Variants in ADCY2 observed in about 807,000 individuals in gnomAD.
ADCY2 encodes adenylate cyclase type 2.
Under a neutral mutation model 125.2 loss-of-function variants are expected in ADCY2, and 31 were observed. The observed-to-expected ratio is 0.25, with a 90% CI of 0.19 to 0.33. The LOEUF (loss-of-function observed/expected upper bound fraction) is 0.33. Ranked by LOEUF, ADCY2 falls within the 10% of genes least tolerant of loss-of-function variation. ADCY2 has a pLI of 1.00. For synonymous variants in ADCY2, 512 were observed against 548.4 expected, an observed-to-expected ratio of 0.93 and a Z score of 0.93; for missense variants, 904 against 1,418.2, an observed-to-expected ratio of 0.64 and a Z score of 5.82.
intron 16 of ADCY2, among the ~76,000 whole-genome samples, chr5:7,759,930 G>C (rs766066223): frequency 1.7e-4 from 26 of 151,008 alleles, no homozygotes; most frequent in Non-Finnish European, 2.9e-4. Context: ...GGGTGGTGGG[G>C]AGTGGTTCTT....
chr5:7,507,618 C>T (rs945735847), intron 2 of ADCY2, among the ~76,000 whole-genome samples: 2 of 151,926 alleles, frequency 1.3e-5, no homozygotes, highest in Non-Finnish European at 2.9e-5. Context: ...ATTGCTTTAC[C>T]TCGTTGCTTC....
rs906586193 is a variant in ADCY2 at position 7,624,383 on chromosome 5, C to A, written c.571-1784C>A. Among the ~76,000 whole-genome samples, 6 of 152,210 alleles carry A rather than the reference C, an allele frequency of 3.9e-5. 1 individual carries two copies. Among genetic ancestry groups the A allele is most frequent in the Admixed American group, 3.9e-4 (6 of 15,290 alleles). On this transcript the variant is annotated intron_variant, in intron 3 of 24. Coordinates refer to ENST00000338316, the MANE Select transcript of ADCY2 (RefSeq NM_020546.3). ...CTTGCTGATTATCCCCTGAGTTTAC[C>A]CATCTTTCCCTACAGCCATCTGTCC...
At chr5:7,788,762 GC>G (rs752209156) in intron 19 of ADCY2, among the ~76,000 whole-genome samples, 1 of 152,142 alleles carries the variant, frequency 6.6e-6, no homozygotes, top group Non-Finnish European at 1.5e-5. Flanking sequence ...ACTCAACAAA[GC>G]AAACCAAAAA....
Position 7,826,701 on chromosome 5 carries a change from T to C in ADCY2, c.3124-18T>C, listed in dbSNP as rs1745492933. On this transcript the variant is annotated intron_variant, in intron 24 of 24. Coordinates refer to ENST00000338316, the MANE Select transcript of ADCY2 (RefSeq NM_020546.3). ...TGTATGTACTAAGCCCGTTTTCCCG[T>C]GTTCCTGTGCCTTCTAGGTTACCGA... The C allele has an allele frequency of 1.2e-6, 2 of 1,613,836 alleles. No homozygotes were observed. The highest frequency in any genetic ancestry group is 1.3e-5 in the African/African-American group (1 of 74,904).
chr5:7,780,824 G>T (rs1337895752), intron 18 of ADCY2, among the ~76,000 whole-genome samples: 1 of 152,204 alleles, frequency 6.6e-6, no homozygotes, highest in Admixed American at 6.5e-5. Flanking sequence ...TCAGGTTAGA[G>T]GCTGGTTCAC....
intron 15 of ADCY2, among the ~76,000 whole-genome samples, chr5:7,745,297 A>T (rs1487663960): frequency 6.6e-6 from 1 of 152,184 alleles, no homozygotes; most frequent in Non-Finnish European, 1.5e-5. Flanking sequence ...AGTCGACTGT[A>T]AGCACTTTGT....
In ADCY2 at chr5:7,461,703, GTTTT is replaced by G. The variant is rs1221386968; in HGVS notation, c.408+46934_408+46937del. 2.0e-5 allele frequency among the ~76,000 whole-genome samples: 3 copies of G among 152,196 alleles called. No individual in the cohort carries two copies. In the East Asian group the frequency reaches 5.8e-4, roughly 29 times the overall value. Reference sequence around the variant, plus strand: ...GATTTAAAGAAGGAAATTCCTTACAGTTTTGGAATAGAAATTTATTAGATAAATC... The same window carrying G: ...GATTTAAAGAAGGAAATTCCTTACAGGGAATAGAAATTTATTAGATAAATC... On this transcript the variant is annotated intron_variant, in intron 2 of 24. Transcript: ENST00000338316.
chr5:7,630,261 A>G (rs999274714), intron 4 of ADCY2, among the ~76,000 whole-genome samples: 1 of 152,204 alleles, frequency 6.6e-6, no homozygotes, highest in Non-Finnish European at 1.5e-5. Flanking sequence ...ATGGCTGGGT[A>G]GATAATGACA....
chr5:7,496,857 T>C (rs1341836128), intron 2 of ADCY2, among the ~76,000 whole-genome samples: 1 of 152,196 alleles, frequency 6.6e-6, no homozygotes, highest in African/African-American at 2.4e-5. Flanking sequence ...GAATATTTTA[T>C]ATGAATATAT....
At chr5:7,399,646 A>G (rs1266354614) in intron 1 of ADCY2, among the ~76,000 whole-genome samples, 1 of 152,202 alleles carries the variant, frequency 6.6e-6, no homozygotes, top group Non-Finnish European at 1.5e-5. Flanking sequence ...AAGACAGGAA[A>G]CTCAGTAAAT....
rs977035844 is a variant in ADCY2, at chr5:7,668,403, G to A, written c.721-22288G>A. 7.2e-5 allele frequency among the ~76,000 whole-genome samples: 11 copies of A among 152,168 alleles called. 1 individual carries two copies. The highest frequency in any genetic ancestry group is 2.2e-4 in the African/African-American group (9 of 41,446). Reference sequence around the variant, plus strand: ...CTTGCCAGCTCCTGCAGTCACATGAGCCACTTTCTAAAAGTAAATGTTCTC... The same window carrying A: ...CTTGCCAGCTCCTGCAGTCACATGAACCACTTTCTAAAAGTAAATGTTCTC... On this transcript the variant is annotated intron_variant, in intron 4 of 24. Coordinates refer to ENST00000338316, the MANE Select transcript of ADCY2 (RefSeq NM_020546.3).
chr5:7,633,147 T>C (rs1351822073), intron 4 of ADCY2, among the ~76,000 whole-genome samples: 2 of 151,994 alleles, frequency 1.3e-5, no homozygotes, highest in African/African-American at 4.8e-5. Flanking sequence ...AATGGACATT[T>C]TGGCAGGGCG....
intron 18 of ADCY2, among the ~76,000 whole-genome samples, chr5:7,783,778 G>T (rs1743996055): frequency 1.3e-5 from 2 of 152,194 alleles, no homozygotes; most frequent in Admixed American, 1.3e-4. Flanking sequence ...TGACATCTTG[G>T]CAGGGATGAA....
At chr5:7,561,228 T>C (rs1477166409) in intron 3 of ADCY2, among the ~76,000 whole-genome samples, 2 of 152,252 alleles carry the variant, frequency 1.3e-5, no homozygotes, top group African/African-American at 4.8e-5. Context: ...TCATGAATTG[T>C]TTGATGGCAG....
intron 20 of ADCY2, among the ~76,000 whole-genome samples, chr5:7,791,425 T>A (rs1255203886): frequency 1.3e-5 from 2 of 152,142 alleles, no homozygotes; most frequent in African/African-American, 4.8e-5. Context: ...TATTTTTCTG[T>A]AGCGGATTTG....
intron 1 of ADCY2, among the ~76,000 whole-genome samples, chr5:7,407,266 G>T (rs1739531123): frequency 6.6e-6 from 1 of 152,198 alleles, no homozygotes; most frequent in Admixed American, 6.5e-5. Flanking sequence ...GGAAAAGTCA[G>T]AACATTCAGG....
chr5:7,777,150 G>T (rs1743759202), intron 18 of ADCY2, among the ~76,000 whole-genome samples: 1 of 151,974 alleles, frequency 6.6e-6, no homozygotes, highest in Non-Finnish European at 1.5e-5. Flanking sequence ...TCACCCCTCG[G>T]TGTGCCTGAG....
At chr5:7,710,297 G>A (rs1047930386) in intron 10 of ADCY2, among the ~76,000 whole-genome samples, 2 of 152,124 alleles carry the variant, frequency 1.3e-5, no homozygotes, top group Non-Finnish European at 2.9e-5. Context: ...AAAAGTAAAT[G>A]TGACTATCAG....
chr5:7,460,661 T>A (rs775480593), intron 2 of ADCY2, among the ~76,000 whole-genome samples: 1 of 152,174 alleles, frequency 6.6e-6, no homozygotes, highest in African/African-American at 2.4e-5. Context: ...CACTTGGGGT[T>A]GGTGTTTTCT....
Sources: gnomAD v4.1 joint callset for allele counts (sites outside exome capture counted in the v4.1 genomes callset) on GRCh38, gnomAD v4.1.1 for gene constraint, MANE v1.5 for transcripts, NCBI Gene and HGNC (gene_info 2026-07-23, HGNC 2026-07-21) for gene names.